Variants in NRG1 observed in about 807,000 individuals in gnomAD.
NRG1 encodes the protein pro-neuregulin-1, membrane-bound isoform.
NRG1 carries 18 observed loss-of-function variants against 63.8 expected under a neutral mutation model. The observed-to-expected ratio is 0.28, with a 90% CI of 0.19 to 0.42. The LOEUF (loss-of-function observed/expected upper bound fraction) is 0.42, where lower values mean the gene tolerates loss of function less well. NRG1 is among the 10% of genes least tolerant of loss of function. The probability of loss-of-function intolerance (pLI) is 1.00; values close to 1 mark genes in which losing one functional copy is unlikely to be tolerated. For missense variants in NRG1, 762 were observed against 814.7 expected, an observed-to-expected ratio of 0.94 and a Z score of 0.79; for synonymous variants, 302 against 301.3, an observed-to-expected ratio of 1.00 and a Z score of -0.02.
At position 32,077,611 on chromosome 8, in the gene NRG1, C is replaced by G. The variant is rs540753840; in HGVS notation, c.37+438180C>G. Among the ~76,000 whole-genome samples the G allele has an allele frequency of 4.6e-5, 7 of 152,090 alleles. No homozygotes were observed. The South Asian group carries it at 6.2e-4, about 14-fold the overall frequency. ...TATTGCTTTTGAAATTTTAAAAAACCTGGCAAAATGTAATTACGATAGAAA... is the reference window on the plus strand; with the variant it reads ...TATTGCTTTTGAAATTTTAAAAAACGTGGCAAAATGTAATTACGATAGAAA... On this transcript the variant is annotated intron_variant, in intron 1 of 10. Coordinates refer to the NRG1 transcript ENST00000519301.
At chr8:31,642,822 A>T (rs911614235) in intron 1 of NRG1, among the ~76,000 whole-genome samples, 11 of 152,230 alleles carry the variant, frequency 7.2e-5, no homozygotes, top group African/African-American at 2.4e-4. Flanking sequence ...CCTCAAATAG[A>T]TTTAGCTAAG....
In NRG1 at chr8:32,326,012, C is replaced by CTTT. The variant is rs68070632; in HGVS notation, c.38-269802_38-269800dup. ...TGTTTTCTCTTCACATCAGATGTCA[C>CTTT]TTTTTTTTTTTTTTTTGATATGGAG... is the stretch of plus-strand genomic sequence containing the variant. On this transcript the variant is annotated intron_variant, in intron 1 of 10. Transcript: ENST00000519301. 4.2e-3 allele frequency among the ~76,000 whole-genome samples: 578 copies of CTTT among 139,044 alleles called. 3 individuals are homozygous for CTTT. Among genetic ancestry groups the CTTT allele is most frequent in the African/African-American group, 0.014 (517 of 37,416 alleles). The allele number at this position is 139,044 out of a possible 152,430, so 91.2% of individuals were successfully genotyped here. A position where few individuals can be genotyped will look rare whatever the true frequency, so the allele number is the denominator to read the frequency against.
At chr8:31,751,309 G>A (rs959215917) in intron 1 of NRG1, among the ~76,000 whole-genome samples, 7 of 151,976 alleles carry the variant, frequency 4.6e-5, no homozygotes, top group Admixed American at 3.3e-4. Flanking sequence ...GTGAAGGAAG[G>A]TTTCATTAAA....
intron 1 of NRG1, among the ~76,000 whole-genome samples, chr8:32,009,837 G>A (rs928055804): frequency 2.1e-4 from 32 of 151,916 alleles, no homozygotes; most frequent in Admixed American, 1.8e-3. Context: ...GACTTTTGAG[G>A]GACAATGACT....
At chr8:32,142,674 G>T (rs1359748794) in intron 1 of NRG1, among the ~76,000 whole-genome samples, 1 of 152,188 alleles carries the variant, frequency 6.6e-6, no homozygotes, top group African/African-American at 2.4e-5. Flanking sequence ...CAGGATTGAA[G>T]CACAGAGCAA....
intron 1 of NRG1, among the ~76,000 whole-genome samples, chr8:32,149,354 G>T (rs967290268): frequency 6.6e-6 from 1 of 152,014 alleles, no homozygotes; most frequent in Non-Finnish European, 1.5e-5. Context: ...TGAATGAAGC[G>T]TGCACCCTCG....
intron 5 of NRG1, among the ~76,000 whole-genome samples, chr8:32,646,222 C>T (rs1853501320): frequency 6.6e-6 from 1 of 152,140 alleles, no homozygotes; most frequent in Non-Finnish European, 1.5e-5. Context: ...TATGGGCTGC[C>T]AACCCCTCCC....
intron 1 of NRG1, among the ~76,000 whole-genome samples, chr8:32,285,110 G>C (rs554894523): frequency 6.6e-6 from 1 of 152,122 alleles, no homozygotes. Context: ...CTCACTCTCC[G>C]TGTACCTAAA....
intron 1 of NRG1, among the ~76,000 whole-genome samples, chr8:31,779,555 A>G (rs1166288725): frequency 2.0e-5 from 3 of 152,162 alleles, no homozygotes; most frequent in Admixed American, 1.3e-4. Context: ...GTAATAGAAA[A>G]AGCAGTTGCT....
At chr8:31,924,211 C>T (rs542813298) in intron 1 of NRG1, among the ~76,000 whole-genome samples, 209 of 151,904 alleles carry the variant, frequency 1.4e-3, no homozygotes, top group Non-Finnish European at 1.8e-3. Context: ...AAAATCTAAC[C>T]GGGCGTAGTG....
intron 1 of NRG1, among the ~76,000 whole-genome samples, chr8:31,973,325 C>A (rs1007559159): frequency 2.0e-5 from 3 of 152,110 alleles, no homozygotes; most frequent in Non-Finnish European, 2.9e-5. Context: ...TTGTAGATAT[C>A]ACTCTAGATG....
intron 1 of NRG1, among the ~76,000 whole-genome samples, chr8:32,241,753 C>A (rs1261638765): frequency 6.6e-6 from 1 of 151,628 alleles, no homozygotes; most frequent in Non-Finnish European, 1.5e-5. Context: ...CATCAAATGC[C>A]ACATTTTTTT....
rs1428541740 is a variant in NRG1, at chr8:32,165,027, C to T, written c.38-430801C>T. The stretch of plus-strand genomic sequence containing the variant: ...TGACACCTCTCCCTCTCCCCCACCC[C>T]CCAACACACACAAACAAGTAAATGG... On this transcript the variant is annotated intron_variant, in intron 1 of 10. Transcript: ENST00000519301. Among the ~76,000 whole-genome samples, 2 of 152,152 alleles carry T rather than the reference C, an allele frequency of 1.3e-5. 1 individual carries two copies. The highest frequency in any genetic ancestry group is 4.8e-5 in the African/African-American group (2 of 41,422).
rs1563697835 is a variant in NRG1 at position 32,028,742 on chromosome 8, CAAG to C, written c.37+389317_37+389319del. 2.6e-5 allele frequency among the ~76,000 whole-genome samples: 4 copies of C among 152,062 alleles called. No homozygotes were observed. In the South Asian group the frequency reaches 6.2e-4, roughly 24 times the overall value. ...TCAAAAGTTAGACATTCAAAAACTG[CAAG>C]AAGAATATTTTTTCAAGATTATAAA... On this transcript the variant is annotated intron_variant, in intron 1 of 10. Coordinates refer to the NRG1 transcript ENST00000519301.
At chr8:32,016,664 C>T (rs1815594441) in intron 1 of NRG1, among the ~76,000 whole-genome samples, 2 of 152,014 alleles carry the variant, frequency 1.3e-5, no homozygotes, top group Non-Finnish European at 2.9e-5. Context: ...TTTCTCTGTA[C>T]CATCAAATCT....
At chr8:32,067,400 C>T (rs1001109095) in intron 1 of NRG1, among the ~76,000 whole-genome samples, 13 of 152,144 alleles carry the variant, frequency 8.5e-5, no homozygotes, top group South Asian at 6.2e-4. Flanking sequence ...TAGCATGAAG[C>T]GTTGTTGAAG....
At chr8:32,075,083 G>A (rs1364299694) in intron 1 of NRG1, among the ~76,000 whole-genome samples, 1 of 152,200 alleles carries the variant, frequency 6.6e-6, no homozygotes, top group Non-Finnish European at 1.5e-5. Context: ...TGGGTCAAAT[G>A]ACCTACTATG....
At chr8:32,617,088 A>C (rs1847505959) in intron 5 of NRG1, among the ~76,000 whole-genome samples, 1 of 152,164 alleles carries the variant, frequency 6.6e-6, no homozygotes. Flanking sequence ...CAATATACAT[A>C]AGAATATTAA....
intron 1 of NRG1, among the ~76,000 whole-genome samples, chr8:32,083,598 C>T (rs1385419322): frequency 6.6e-6 from 1 of 152,086 alleles, no homozygotes; most frequent in Non-Finnish European, 1.5e-5. Flanking sequence ...TTCATAGCAC[C>T]ACCCTTATGC....
Sources: allele counts gnomAD v4.1 joint callset (sites outside exome capture counted in the v4.1 genomes callset), GRCh38; gene constraint gnomAD v4.1.1; transcripts MANE v1.5; gene names NCBI Gene and HGNC (gene_info 2026-07-23, HGNC 2026-07-21).